The following ZNF480 variants were observed in gnomAD, a reference collection of about 807,000 sequenced individuals.
The protein encoded by ZNF480 is zinc finger protein 480.
A neutral mutation model predicts 14.4 loss-of-function variants in ZNF480; 15 were observed. The observed-to-expected ratio is 1.04, with a 90% CI of 0.70 to 1.60. The LOEUF (loss-of-function observed/expected upper bound fraction) is 1.60. Among genes scored for constraint, ZNF480 ranks in the 40% most tolerant of loss-of-function variants. ZNF480 has a pLI of 0.00. For missense variants in ZNF480, 593 were observed against 629.7 expected, an observed-to-expected ratio of 0.94 and a Z score of 0.62; for synonymous variants, 218 against 215.5, an observed-to-expected ratio of 1.01 and a Z score of -0.10.
intron 2 of ZNF480, among the ~76,000 whole-genome samples, chr19:52,313,527 A>G (rs540103797): frequency 3.5e-4 from 53 of 152,172 alleles, no homozygotes; most frequent in African/African-American, 1.3e-3. Context: ...ATTGGTAGGT[A>G]TTCAGATCAG....
Position 52,321,824 on chromosome 19 carries a change from C to A in ZNF480, c.574C>A (p.Gln192Lys). Residue 192 changes from glutamine (Q) to lysine (K), a missense_variant, in exon 5 of 5, where the codon CAA (glutamine) becomes AAA (lysine). Physicochemically the swap from Gln to Lys is moderately conservative, Grantham distance 53. Coordinates refer to ENST00000595962, the MANE Select transcript of ZNF480 (RefSeq NM_144684.4). ...TTTTGATGATTCTTCATTTCTCCCA[C>A]AAGAACAGAAAGTACACCTTAGAGA... ...NDFDDSSFLPQEQKVHLREKP... is the reference protein window; with the variant it reads ...NDFDDSSFLPKEQKVHLREKP... 1 of 1,613,990 alleles carries A rather than the reference C, an allele frequency of 6.2e-7. No individual in the cohort carries two copies. Among genetic ancestry groups the A allele is most frequent in the Non-Finnish European group, 8.5e-7 (1 of 1,179,946 alleles).
chr19:52,313,457 T>G (rs1031399199), intron 2 of ZNF480, among the ~76,000 whole-genome samples: 2 of 151,994 alleles, frequency 1.3e-5, no homozygotes, highest in Admixed American at 6.6e-5. Flanking sequence ...TTTTTTTTTT[T>G]GAAGCCACTG....
chr19:52,303,286 G>A (rs918438653), intron 2 of ZNF480, among the ~76,000 whole-genome samples: 4 of 152,156 alleles, frequency 2.6e-5, no homozygotes, highest in African/African-American at 9.7e-5. Flanking sequence ...ATTCTAGGGA[G>A]CATCTAGTTA....
In ZNF480 at chr19:52,300,438, A is replaced by G; in HGVS notation, c.26A>G (p.Lys9Arg). 1 of 1,613,502 alleles carries G rather than the reference A, an allele frequency of 6.2e-7. No individual in the cohort carries two copies. The highest frequency in any genetic ancestry group is 8.5e-7 in the Non-Finnish European group (1 of 1,179,814). The change falls in exon 2 of 5, where the codon AAG becomes AGG. Residue 9 changes from lysine (K) to arginine (R), a missense_variant. Physicochemically the swap from Lys to Arg is conservative, Grantham distance 26. Coordinates refer to ENST00000595962, the MANE Select transcript of ZNF480 (RefSeq NM_144684.4). MLCDEKAQ[K>R]RRKRKAKESG... ...ATGCTGTGTGATGAAAAAGCCCAGA[A>G]GAGAAGGAAGAGGAAAGCAAAGGAG...
chr19:52,321,488 A>T, intron 4 of ZNF480, 91 bp from the exon 5 acceptor site: 1 of 1,092,306 alleles, frequency 9.2e-7, no homozygotes, highest in Non-Finnish European at 1.3e-6. Flanking sequence ...CCAATGTCTG[A>T]GTCAGATGAG....
chr19:52,299,484 A>G (rs1362647325), intron 1 of ZNF480, among the ~76,000 whole-genome samples: 1 of 152,228 alleles, frequency 6.6e-6, no homozygotes, highest in Non-Finnish European at 1.5e-5. Flanking sequence ...AACTTCAACC[A>G]AACATCTAAA....
At chr19:52,311,577 A>G (rs182299275) in intron 2 of ZNF480, among the ~76,000 whole-genome samples, 14 of 152,332 alleles carry the variant, frequency 9.2e-5, no homozygotes, top group Non-Finnish European at 1.5e-4. Context: ...ATATACAGCA[A>G]TGTTTATAAA....
At chr19:52,305,318 A>T (rs1982878669) in intron 2 of ZNF480, among the ~76,000 whole-genome samples, 1 of 152,036 alleles carries the variant, frequency 6.6e-6, no homozygotes, top group Non-Finnish European at 1.5e-5. Flanking sequence ...AATCCTTTAA[A>T]TTTTTTTCCT....
chr19:52,312,553 G>A (rs984476090), intron 2 of ZNF480, among the ~76,000 whole-genome samples: 4 of 152,146 alleles, frequency 2.6e-5, no homozygotes, highest in Non-Finnish European at 5.9e-5. Context: ...ATGCTGATCT[G>A]TTCATTGTTT....
intron 2 of ZNF480, among the ~76,000 whole-genome samples, chr19:52,307,965 C>G (rs186998658): frequency 2.2e-4 from 34 of 152,310 alleles, no homozygotes; most frequent in Admixed American, 2.0e-4. Context: ...TTCTTTAAAG[C>G]CTGTTTATGA....
At chr19:52,318,877 A>C (rs934246940) in intron 4 of ZNF480, among the ~76,000 whole-genome samples, 2 of 150,248 alleles carry the variant, frequency 1.3e-5, no homozygotes, top group African/African-American at 4.9e-5. Context: ...TCATTTTTGC[A>C]TGGGGGGATG....
chr19:52,299,555 A>T (rs1363453119), intron 1 of ZNF480, among the ~76,000 whole-genome samples: 1 of 152,202 alleles, frequency 6.6e-6, no homozygotes, highest in African/African-American at 2.4e-5. Context: ...TCATTCACAG[A>T]ACTCAAGGAA....
At chr19:52,303,626 C>G (rs551004791) in intron 2 of ZNF480, among the ~76,000 whole-genome samples, 133 of 152,242 alleles carry the variant, frequency 8.7e-4, no homozygotes, top group Middle Eastern at 3.4e-3. Context: ...AAATCTAAAG[C>G]CTTTTCTGGA....
intron 2 of ZNF480, among the ~76,000 whole-genome samples, chr19:52,313,109 C>T (rs993796333): frequency 1.3e-5 from 2 of 150,922 alleles, no homozygotes; most frequent in African/African-American, 4.9e-5. Context: ...GCGTGAGCCA[C>T]CGCGCCCAGC....
intron 2 of ZNF480, 111 bp downstream of exon 2, chr19:52,300,595 C>T: frequency 6.4e-7 from 1 of 1,563,736 alleles, no homozygotes; most frequent in Non-Finnish European, 8.7e-7. Flanking sequence ...CAGGTTTGCT[C>T]ACGCTTACCT....
intron 4 of ZNF480, among the ~76,000 whole-genome samples, chr19:52,316,977 T>A (rs952817272): frequency 3.9e-5 from 6 of 152,206 alleles, no homozygotes; most frequent in Non-Finnish European, 8.8e-5. Context: ...TGCGCCCACC[T>A]TTTTATTATT....
chr19:52,297,300 C>T (rs1190052809), intron 1 of ZNF480, 77 bp downstream of exon 1: 15 of 426,230 alleles, frequency 3.5e-5, no homozygotes, highest in Non-Finnish European at 4.7e-6. Flanking sequence ...TGAGGGGCCA[C>T]ACAGACCTTG....
At position 52,324,915 on chromosome 19, in the gene ZNF480, A is replaced by G. The variant is rs914875062; in HGVS notation, c.*2057A>G. 2.0e-5 allele frequency: 3 copies of G among 152,194 alleles called. No homozygotes were observed. The highest frequency in any genetic ancestry group is 7.2e-5 in the African/African-American group (3 of 41,454). 9.4% of individuals were successfully genotyped at this position (152,194 alleles called of 1,614,324 possible). A position where few individuals can be genotyped will look rare whatever the true frequency, so the allele number is the denominator to read the frequency against. Reference sequence around the variant, plus strand: ...ACACCCCAAAGCAATTGCAACAAAAACAAAAATTGACAAGTGGGACCTAAT... The same window carrying G: ...ACACCCCAAAGCAATTGCAACAAAAGCAAAAATTGACAAGTGGGACCTAAT... On this transcript the variant is annotated 3_prime_UTR_variant, in exon 5 of 5. Coordinates refer to ENST00000595962, the MANE Select transcript of ZNF480 (RefSeq NM_144684.4).
rs900788414 is a variant in ZNF480 at position 52,321,138 on chromosome 19, T to C, written c.329-441T>C. Among the ~76,000 whole-genome samples, 19 of 152,196 alleles carry C rather than the reference T, an allele frequency of 1.2e-4. No homozygotes were observed. The South Asian group carries it at 1.9e-3, about 15-fold the overall frequency. ...AAATAACTGCTTCTCTCAGTTGTTT[T>C]GTATAAGACTTGGTCAGAGGGAGAT... On this transcript the variant is annotated intron_variant, in intron 4 of 4. Transcript: ENST00000595962.
Sources: allele counts gnomAD v4.1 joint callset (sites outside exome capture counted in the v4.1 genomes callset), GRCh38; gene constraint gnomAD v4.1.1; transcripts MANE v1.5; gene names NCBI Gene and HGNC (gene_info 2026-07-23, HGNC 2026-07-21).